KRIT1: variants seen among roughly 807,000 people sequenced by gnomAD.
KRIT1 encodes the protein krev interaction trapped protein 1.
In KRIT1, 45 loss-of-function variants were observed where a neutral mutation model predicts 95.8. The ratio of observed to expected loss-of-function variants is 0.47; its 90% CI spans 0.37 to 0.60. The LOEUF is 0.60. KRIT1 is among the 20% of genes least tolerant of loss of function. KRIT1 has a pLI of 0.00. For missense variants in KRIT1, 788 were observed against 877.5 expected (o/e 0.90, Z 1.29); for synonymous variants, 282 against 278.8 (o/e 1.01, Z -0.11).
chr7:92,241,370 G>A (rs1036244897), intron 4 of KRIT1, among the ~76,000 whole-genome samples: 1 of 152,190 alleles, frequency 6.6e-6, no homozygotes, highest in Non-Finnish European at 1.5e-5. Context: ...AGCCAGGAGT[G>A]AGAAATGGTA....
At chr7:92,222,701 G>C (rs529481829) in intron 13 of KRIT1, 121 bp downstream of exon 13, 8 of 691,992 alleles carry the variant, frequency 1.2e-5, no homozygotes, top group Non-Finnish European at 1.8e-5. Context: ...ATATAAAAGA[G>C]AAGAACATTG....
chr7:92,203,353 T>A (rs1237567643), intron 17 of KRIT1, among the ~76,000 whole-genome samples: 1 of 152,226 alleles, frequency 6.6e-6, no homozygotes, highest in Non-Finnish European at 1.5e-5. Flanking sequence ...TATGCAACTA[T>A]CTTAAAGCTT....
intron 14 of KRIT1, among the ~76,000 whole-genome samples, chr7:92,219,936 A>T (rs1244970377): frequency 3.3e-5 from 5 of 152,288 alleles, no homozygotes; most frequent in Middle Eastern, 3.4e-3. Context: ...CTTTGCTGGT[A>T]TATAGACAAC....
At chr7:92,202,993 CA>C (rs1301981292) in intron 17 of KRIT1, among the ~76,000 whole-genome samples, 1 of 152,082 alleles carries the variant, frequency 6.6e-6, no homozygotes, top group Admixed American at 6.6e-5. Flanking sequence ...TCAAAAGCCA[CA>C]AAACAGTCCA....
rs1793273070 is a variant in KRIT1, at chr7:92,213,252, G to A, written c.1968C>T (p.Ile656=). The A allele has an allele frequency of 1.9e-6, 3 of 1,613,396 alleles. No individual in the cohort carries two copies. The highest frequency in any genetic ancestry group is 1.7e-6 in the Non-Finnish European group (2 of 1,179,472). ...TKASPSNHKV[I]PVYVGVNIKG... ...TTATATTCACTCCTACATACACAGG[G>A]ATGACTTTATGATTGCTGGGGCTTG... The change falls in exon 17 of 19, where the codon ATC becomes ATT. Residue 656 remains isoleucine, a synonymous_variant. Coordinates refer to ENST00000394505, the MANE Select transcript of KRIT1 (RefSeq NM_194454.3).
At chr7:92,229,838 C>T (rs1036699665) in intron 10 of KRIT1, among the ~76,000 whole-genome samples, 2 of 152,106 alleles carry the variant, frequency 1.3e-5, no homozygotes, top group Non-Finnish European at 2.9e-5. Flanking sequence ...CTCCAAAGTG[C>T]CCTACATACA....
At chr7:92,229,450 GAAAA>G (rs1554520828) in intron 10 of KRIT1, among the ~76,000 whole-genome samples, 1 of 151,830 alleles carries the variant, frequency 6.6e-6, no homozygotes, top group African/African-American at 2.4e-5. Flanking sequence ...AAATTTACAA[GAAAA>G]AACCACCCCA....
intron 11 of KRIT1, among the ~76,000 whole-genome samples, chr7:92,226,315 A>G (rs1331159319): frequency 1.3e-5 from 2 of 149,518 alleles, no homozygotes; most frequent in Admixed American, 1.3e-4. Flanking sequence ...TAAAAAATCT[A>G]AAAAAAAAAT....
chr7:92,204,731 T>C (rs1791003839), intron 17 of KRIT1, among the ~76,000 whole-genome samples: 1 of 152,066 alleles, frequency 6.6e-6, no homozygotes, highest in African/African-American at 2.4e-5. Context: ...ATGCAAGTGA[T>C]AGGGAGTGCT....
rs1330655480 is a variant in KRIT1, at chr7:92,210,105, A to G, written c.2025+3090T>C. 2.0e-5 allele frequency among the ~76,000 whole-genome samples: 3 copies of G among 152,266 alleles called. No individual in the cohort carries two copies. In the East Asian group the frequency reaches 5.8e-4, roughly 29 times the overall value. Reference sequence around the variant, plus strand: ...ATCAATCAATCAATAAAAATAAAACAGCAATATTACCCAAAGCAATCAAGT... The same window carrying G: ...ATCAATCAATCAATAAAAATAAAACGGCAATATTACCCAAAGCAATCAAGT... On this transcript the variant is annotated intron_variant, in intron 17 of 18. Coordinates refer to ENST00000394505, the MANE Select transcript of KRIT1 (RefSeq NM_194454.3).
intron 4 of KRIT1, 115 bp from the exon 5 acceptor site, chr7:92,241,267 A>G (rs1799577030): frequency 2.4e-6 from 2 of 825,560 alleles, no homozygotes; most frequent in South Asian, 1.5e-5. Flanking sequence ...TAATTTGGGA[A>G]GCTTTAAAAC....
chr7:92,218,381 CCTA>C (rs1165401394), intron 14 of KRIT1, among the ~76,000 whole-genome samples: 1 of 151,396 alleles, frequency 6.6e-6, no homozygotes, highest in East Asian at 1.9e-4. Context: ...CCACGCCTGG[CCTA>C]CTTTTTTTTT....
chr7:92,224,248 G>A (rs1795754567), intron 12 of KRIT1, among the ~76,000 whole-genome samples: 1 of 152,140 alleles, frequency 6.6e-6, no homozygotes, highest in Admixed American at 6.5e-5. Context: ...ATATCTGTTA[G>A]TATAAACCCT....
At chr7:92,204,153 T>G (rs1273094323) in intron 17 of KRIT1, 3 of 151,662 alleles carry the variant, frequency 2.0e-5, no homozygotes, top group Non-Finnish European at 4.4e-5. Context: ...CCCAACTACT[T>G]GGGAGGCTGA....
At chr7:92,212,741 T>C (rs746991848) in intron 17 of KRIT1, among the ~76,000 whole-genome samples, 3 of 152,208 alleles carry the variant, frequency 2.0e-5, no homozygotes, top group Non-Finnish European at 4.4e-5. Flanking sequence ...TGGCCTGAAC[T>C]AGATAGGTAT....
chr7:92,234,372 G>A lies in KRIT1; in HGVS notation c.989+77C>T. On this transcript the variant is annotated intron_variant, in intron 10 of 18. Coordinates refer to ENST00000394505, the MANE Select transcript of KRIT1 (RefSeq NM_194454.3). The stretch of plus-strand genomic sequence containing the variant: ...AGAAAAAGTATTTGGAATGAGAACA[G>A]TCTTGAAAAGAAGGACTAACATTTA... 3.5e-6 allele frequency: 4 copies of A among 1,139,172 alleles called. No homozygotes were observed. In the South Asian group the frequency reaches 5.2e-5, roughly 15 times the overall value. 70.6% of individuals were successfully genotyped at this position (1,139,172 alleles called of 1,614,324 possible). A position where few individuals can be genotyped will look rare whatever the true frequency, so the allele number is the denominator to read the frequency against.
chr7:92,227,185 C>CTAA (rs1345519725), intron 10 of KRIT1, among the ~76,000 whole-genome samples: 7 of 152,142 alleles, frequency 4.6e-5, no homozygotes, highest in African/African-American at 1.4e-4. Context: ...GAATGGTTTA[C>CTAA]AGTGTAATTT....
At chr7:92,201,456 T>A in intron 17 of KRIT1, 33 bp from the exon 18 acceptor site, 1 of 1,014,262 alleles carries the variant, frequency 9.9e-7, no homozygotes, top group Non-Finnish European at 1.6e-6. Context: ...TATATTGAAA[T>A]ACATATTAAA....
Position 92,222,004 on chromosome 7 carries a change from C to A in KRIT1, c.1461G>T (p.Trp487Cys). The part of the protein sequence containing the change: ...YHKPLQHVRD[W>C]PEILAELTNL... ...TAGTCAATTCAGCAAGTATTTCTGGCCAGTCACGAACATGTTGCAAGGGTT... is the reference window on the plus strand; with the variant it reads ...TAGTCAATTCAGCAAGTATTTCTGGACAGTCACGAACATGTTGCAAGGGTT... The change falls in exon 14 of 19, where the codon TGG becomes TGT. Residue 487 changes from tryptophan (W) to cysteine (C), a missense_variant. Trp to Cys is a radical substitution (Grantham distance 215). Transcript: ENST00000394505. 6.2e-7 allele frequency: 1 copy of A among 1,613,372 alleles called. No homozygotes were observed. Among genetic ancestry groups the A allele is most frequent in the Non-Finnish European group, 8.5e-7 (1 of 1,179,390 alleles).
Sources: allele counts gnomAD v4.1 joint callset (sites outside exome capture counted in the v4.1 genomes callset), GRCh38; gene constraint gnomAD v4.1.1; transcripts MANE v1.5; gene names NCBI Gene and HGNC (gene_info 2026-07-23, HGNC 2026-07-21).